GPC5: variants seen among roughly 807,000 people sequenced by gnomAD.
GPC5 encodes the protein glypican-5.
GPC5 carries 47 observed loss-of-function variants against 53.9 expected under a neutral mutation model. The observed-to-expected ratio is 0.87, with a 90% CI of 0.69 to 1.11. The LOEUF (loss-of-function observed/expected upper bound fraction) is 1.11. GPC5 is among the 50% of genes most tolerant of loss of function. The pLI is 0.00. For missense variants in GPC5, 748 were observed against 713.1 expected, an observed-to-expected ratio of 1.05 and a Z score of -0.56; for synonymous variants, 286 against 263.3, an observed-to-expected ratio of 1.09 and a Z score of -0.84.
rs78905515 is a variant in GPC5, at chr13:92,257,864, G to C, written c.1561+112875G>C. Among the ~76,000 whole-genome samples, 689 of 152,134 alleles carry C rather than the reference G, an allele frequency of 4.5e-3. 4 individuals are homozygous for C. Among genetic ancestry groups the C allele is most frequent in the Non-Finnish European group, 7.2e-3 (487 of 67,972 alleles). On this transcript the variant is annotated intron_variant, in intron 7 of 7. Transcript: ENST00000377067. The stretch of plus-strand genomic sequence containing the variant: ...CACGCCTGGCCTACAGGGGTGTTTA[G>C]ATAAGAGTCCTTTGAGTTGCGGAAC...
At chr13:91,825,708 C>G (rs189399022) in intron 5 of GPC5, among the ~76,000 whole-genome samples, 73 of 152,122 alleles carry the variant, frequency 4.8e-4, no homozygotes, top group African/African-American at 1.4e-3. Flanking sequence ...TCCGGACTCA[C>G]GTGATACCAG....
chr13:91,575,597 A>C (rs1338806602), intron 2 of GPC5, among the ~76,000 whole-genome samples: 2 of 152,138 alleles, frequency 1.3e-5, no homozygotes, highest in Admixed American at 6.5e-5. Context: ...CCACTGGCAG[A>C]AAAGTTTTAC....
At chr13:91,718,706 A>G (rs995185337) in intron 3 of GPC5, among the ~76,000 whole-genome samples, 1 of 151,950 alleles carries the variant, frequency 6.6e-6, no homozygotes, top group Admixed American at 6.6e-5. Flanking sequence ...CCATCTGCAT[A>G]CTCTTGCCCT....
chr13:91,819,070 G>A (rs2038446719), intron 5 of GPC5, among the ~76,000 whole-genome samples: 1 of 149,550 alleles, frequency 6.7e-6, no homozygotes, highest in South Asian at 2.1e-4. Context: ...TTGCCAGACT[G>A]CAAACTCCTG....
intron 7 of GPC5, among the ~76,000 whole-genome samples, chr13:92,291,512 T>A (rs933244272): frequency 6.6e-6 from 1 of 152,122 alleles, no homozygotes; most frequent in Non-Finnish European, 1.5e-5. Flanking sequence ...GCTCAGGGAT[T>A]GTAAACGCAC....
At chr13:92,336,024 G>A (rs2043320685) in intron 7 of GPC5, among the ~76,000 whole-genome samples, 1 of 152,152 alleles carries the variant, frequency 6.6e-6, no homozygotes, top group Admixed American at 6.6e-5. Context: ...GTTCCAGCTA[G>A]CAGTGGGCAA....
At chr13:92,098,612 A>G (rs2041440332) in intron 6 of GPC5, among the ~76,000 whole-genome samples, 1 of 152,194 alleles carries the variant, frequency 6.6e-6, no homozygotes, top group African/African-American at 2.4e-5. Flanking sequence ...TTCATGTTTG[A>G]ATCTCTGGAA....
chr13:92,125,675 TG>T (rs2041688601), intron 6 of GPC5, among the ~76,000 whole-genome samples: 1 of 152,082 alleles, frequency 6.6e-6, no homozygotes, highest in African/African-American at 2.4e-5. Flanking sequence ...ATTTAAGCAT[TG>T]ATTTAACAAT....
Position 92,679,005 on chromosome 13 carries a change from T to TG in GPC5, c.1562-187271dup, listed in dbSNP as rs1012918285. ...ATTATGATTAATATAATGGAAAAGGTGGGGGGAAATGGATTAAGAAAAGAA... is the reference window on the plus strand; with the variant it reads ...ATTATGATTAATATAATGGAAAAGGTGGGGGGGAAATGGATTAAGAAAAGAA... On this transcript the variant is annotated intron_variant, in intron 7 of 7. Coordinates refer to ENST00000377067, the MANE Select transcript of GPC5 (RefSeq NM_004466.6). Among the ~76,000 whole-genome samples the TG allele has an allele frequency of 3.5e-4, 53 of 151,930 alleles. 1 individual carries two copies. Among genetic ancestry groups the TG allele is most frequent in the Admixed American group, 2.3e-3 (35 of 15,236 alleles).
chr13:92,533,780 G>A (rs181157108), intron 7 of GPC5, among the ~76,000 whole-genome samples: 3 of 152,312 alleles, frequency 2.0e-5, no homozygotes, highest in Non-Finnish European at 4.4e-5. Flanking sequence ...GGGAATTCAT[G>A]ATGGCGGGCT....
At chr13:91,636,946 C>G (rs939065979) in intron 2 of GPC5, among the ~76,000 whole-genome samples, 9 of 152,088 alleles carry the variant, frequency 5.9e-5, no homozygotes, top group Admixed American at 5.9e-4. Context: ...AGAGGGAGAT[C>G]TTGTCTCTAA....
At chr13:92,051,093 C>T (rs900536786) in intron 6 of GPC5, among the ~76,000 whole-genome samples, 1 of 152,080 alleles carries the variant, frequency 6.6e-6, no homozygotes, top group African/African-American at 2.4e-5. Flanking sequence ...TGTAGTGCCT[C>T]CCAAACTTTA....
rs749176193 is a variant in GPC5, at chr13:91,842,055, A to C, written c.1281-65882A>C. Among the ~76,000 whole-genome samples the C allele has an allele frequency of 2.0e-4, 30 of 152,192 alleles. 1 individual carries two copies. In the Middle Eastern group the frequency reaches 0.01, roughly 52 times the overall value. ...GCTTTATTGTAGTACAGGAATTTTGACACTTTCTTTGGTTTTTGTCCATGC... is the reference window on the plus strand; with the variant it reads ...GCTTTATTGTAGTACAGGAATTTTGCCACTTTCTTTGGTTTTTGTCCATGC... On this transcript the variant is annotated intron_variant, in intron 5 of 7. Coordinates refer to ENST00000377067, the MANE Select transcript of GPC5 (RefSeq NM_004466.6).
At chr13:92,285,305 G>A (rs2042946015) in intron 7 of GPC5, among the ~76,000 whole-genome samples, 1 of 152,100 alleles carries the variant, frequency 6.6e-6, no homozygotes, top group South Asian at 2.1e-4. Context: ...CATGAAAATG[G>A]CCATACTGCC....
At chr13:92,069,250 C>T (rs1198280584) in intron 6 of GPC5, among the ~76,000 whole-genome samples, 6 of 151,968 alleles carry the variant, frequency 3.9e-5, no homozygotes, top group Non-Finnish European at 7.4e-5. Context: ...AAACAAACAA[C>T]ACTGAATTAA....
chr13:92,109,494 C>A (rs2041539273), intron 6 of GPC5, among the ~76,000 whole-genome samples: 1 of 152,106 alleles, frequency 6.6e-6, no homozygotes, highest in Non-Finnish European at 1.5e-5. Context: ...TGAATGATTT[C>A]TTCCGTTAGG....
chr13:91,809,021 T>C (rs751332632), intron 5 of GPC5, among the ~76,000 whole-genome samples: 1 of 152,104 alleles, frequency 6.6e-6, no homozygotes, highest in Non-Finnish European at 1.5e-5. Context: ...TCAGAGCAAA[T>C]TGTCAACAAT....
At chr13:91,447,303 A>G (rs1880873951) in intron 1 of GPC5, among the ~76,000 whole-genome samples, 1 of 150,180 alleles carries the variant, frequency 6.7e-6, no homozygotes, top group Non-Finnish European at 1.5e-5. Flanking sequence ...CAATCCTTCA[A>G]TTTAGGAATA....
In GPC5 at chr13:92,104,422, A is replaced by G. The variant is rs547581296; in HGVS notation, c.1402-40408A>G. On this transcript the variant is annotated intron_variant, in intron 6 of 7. Coordinates refer to ENST00000377067, the MANE Select transcript of GPC5 (RefSeq NM_004466.6). ...CCCAGTATTCTCTTTGCTTTCAGGAATAAGTGGATTTTGAGAGGTCTTTTA... is the reference window on the plus strand; with the variant it reads ...CCCAGTATTCTCTTTGCTTTCAGGAGTAAGTGGATTTTGAGAGGTCTTTTA... Among the ~76,000 whole-genome samples the G allele has an allele frequency of 5.8e-4, 89 of 152,290 alleles. 1 individual carries two copies. In the South Asian group the frequency reaches 0.017, roughly 28 times the overall value.
Sources: allele counts gnomAD v4.1 joint callset (sites outside exome capture counted in the v4.1 genomes callset), GRCh38; gene constraint gnomAD v4.1.1; transcripts MANE v1.5; gene names NCBI Gene and HGNC (gene_info 2026-07-23, HGNC 2026-07-21).